Variants in SDK1 observed in about 807,000 individuals in gnomAD.
SDK1 encodes sidekick cell adhesion molecule 1, also known as protein sidekick-1.
Under a neutral mutation model 245.5 loss-of-function variants are expected in SDK1, and 157 were observed. The observed-to-expected ratio is 0.64, with a 90% CI of 0.56 to 0.73. The LOEUF (loss-of-function observed/expected upper bound fraction) is 0.73, where lower values mean the gene tolerates loss of function less well. Among genes scored for constraint, SDK1 ranks in the 30% least tolerant of loss-of-function variants. SDK1 has a pLI of 0.00. For synonymous variants in SDK1, 1,647 were observed against 1,278.5 expected (o/e 1.29, Z -6.15); for missense variants, 3,583 against 3,002.3 (o/e 1.19, Z -4.52).
intron 5 of SDK1, 50 bp from the exon 6 acceptor site, chr7:3,950,873 G>A (rs1286646913): frequency 2.1e-6 from 3 of 1,419,576 alleles, no homozygotes; most frequent in Non-Finnish European, 2.9e-6. Flanking sequence ...ACGGCGGGGG[G>A]TGCTCCTGTA....
At chr7:4,177,901 A>G (rs191108183) in intron 34 of SDK1, among the ~76,000 whole-genome samples, 2 of 152,330 alleles carry the variant, frequency 1.3e-5, no homozygotes, top group African/African-American at 2.4e-5. Flanking sequence ...ATCATCAGGC[A>G]TTAGATTCTC....
intron 41 of SDK1, among the ~76,000 whole-genome samples, chr7:4,236,924 G>A (rs1786203079): frequency 6.6e-6 from 1 of 152,072 alleles, no homozygotes; most frequent in African/African-American, 2.4e-5. Context: ...CTTGTTTTGT[G>A]GAGACAGGGT....
rs183168351 is a variant in SDK1, at chr7:3,924,143, G to A, written c.848-26780G>A. ...GGGAGATTTACAGAGTAAAGGGGACGCTGTTGTAACCATCCAGGTGGGGAT... is the reference window on the plus strand; with the variant it reads ...GGGAGATTTACAGAGTAAAGGGGACACTGTTGTAACCATCCAGGTGGGGAT... On this transcript the variant is annotated intron_variant, in intron 5 of 44. Coordinates refer to ENST00000404826, the MANE Select transcript of SDK1 (RefSeq NM_152744.4). Among the ~76,000 whole-genome samples the A allele has an allele frequency of 2.6e-5, 4 of 151,614 alleles. No individual in the cohort carries two copies. In the East Asian group the frequency reaches 5.8e-4, roughly 22 times the overall value.
At position 3,758,156 on chromosome 7, in the gene SDK1, C is replaced by T. The variant is rs543804789; in HGVS notation, c.714-63294C>T. Reference sequence around the variant, plus strand: ...AGAATTCGTGGGCATATGTTAAAACCGCCACTGTACTTAATAAATATTCTG... The same window carrying T: ...AGAATTCGTGGGCATATGTTAAAACTGCCACTGTACTTAATAAATATTCTG... On this transcript the variant is annotated intron_variant, in intron 4 of 44. Coordinates refer to ENST00000404826, the MANE Select transcript of SDK1 (RefSeq NM_152744.4). Among the ~76,000 whole-genome samples the T allele has an allele frequency of 3.8e-4, 58 of 152,242 alleles. 1 individual carries two copies. Among genetic ancestry groups the T allele is most frequent in the Middle Eastern group, 3.4e-3 (1 of 294 alleles).
chr7:3,894,518 G>T (rs1436884145), intron 5 of SDK1, among the ~76,000 whole-genome samples: 1 of 150,586 alleles, frequency 6.6e-6, no homozygotes, highest in Non-Finnish European at 1.5e-5. Flanking sequence ...CTCACCAGCT[G>T]GGTCCAGCCA....
chr7:3,537,862 C>G (rs924212674), intron 1 of SDK1, among the ~76,000 whole-genome samples: 3 of 152,170 alleles, frequency 2.0e-5, no homozygotes, highest in Non-Finnish European at 2.9e-5. Flanking sequence ...CCTCCGTGCA[C>G]AAATCCAGGT....
chr7:3,353,633 G>T (rs1345272889), intron 1 of SDK1, among the ~76,000 whole-genome samples: 1 of 152,202 alleles, frequency 6.6e-6, no homozygotes, highest in Non-Finnish European at 1.5e-5. Flanking sequence ...AATGGTTAGT[G>T]GAGCTGCCCG....
intron 30 of SDK1, among the ~76,000 whole-genome samples, chr7:4,152,411 G>A (rs1352322967): frequency 6.6e-6 from 1 of 152,192 alleles, no homozygotes; most frequent in African/African-American, 2.4e-5. Context: ...TACACAGGAT[G>A]CTTAGCTTAA....
At chr7:3,612,829 C>A (rs1226322398) in intron 1 of SDK1, among the ~76,000 whole-genome samples, 1 of 152,136 alleles carries the variant, frequency 6.6e-6, no homozygotes, top group Non-Finnish European at 1.5e-5. Context: ...ACCTGATTGA[C>A]GGTGCTGATT....
chr7:3,335,420 C>CTTTTTTTTTTT (rs5881977), intron 1 of SDK1, among the ~76,000 whole-genome samples: 1 of 145,518 alleles, frequency 6.9e-6, no homozygotes. Flanking sequence ...TGGTACTTAT[C>CTTTTTTTTTTT]TTTTTTTTTT....
rs576444443 is a variant in SDK1, at chr7:4,131,565, C to T, written c.4130-760C>T. Among the ~76,000 whole-genome samples the T allele has an allele frequency of 5.2e-4, 79 of 152,246 alleles. 1 individual carries two copies. The highest frequency in any genetic ancestry group is 1.8e-3 in the African/African-American group (75 of 41,550). ...TATTTTGATATTGATTGTTTCATGC[C>T]CATTGCCTCTTACCTGGGAATCGGT... is the stretch of plus-strand genomic sequence containing the variant. On this transcript the variant is annotated intron_variant, in intron 27 of 44. Coordinates refer to ENST00000404826, the MANE Select transcript of SDK1 (RefSeq NM_152744.4).
At chr7:3,316,472 A>G (rs1350239608) in intron 1 of SDK1, among the ~76,000 whole-genome samples, 1 of 152,234 alleles carries the variant, frequency 6.6e-6, no homozygotes, top group African/African-American at 2.4e-5. Flanking sequence ...GCACAATGAC[A>G]GAATTGCCTA....
intron 1 of SDK1, among the ~76,000 whole-genome samples, chr7:3,367,889 A>C (rs540101978): frequency 2.6e-5 from 4 of 152,218 alleles, no homozygotes; most frequent in African/African-American, 9.6e-5. Flanking sequence ...ATATAGGAAA[A>C]TGTTTTCTTT....
intron 4 of SDK1, among the ~76,000 whole-genome samples, chr7:3,704,460 T>C (rs1049256591): frequency 6.6e-6 from 1 of 151,938 alleles, no homozygotes; most frequent in Non-Finnish European, 1.5e-5. Flanking sequence ...TGATTAGTGA[T>C]GTTAAGTATG....
chr7:4,232,402 C>CT (rs1234788967), intron 40 of SDK1, among the ~76,000 whole-genome samples: 20 of 65,050 alleles, frequency 3.1e-4, no homozygotes, highest in African/African-American at 8.0e-4. Context: ...CTTTTCTTTT[C>CT]TTTTCTTTCT....
chr7:3,508,945 G>T (rs1409788259), intron 1 of SDK1, among the ~76,000 whole-genome samples: 2 of 152,186 alleles, frequency 1.3e-5, no homozygotes, highest in Admixed American at 6.5e-5. Flanking sequence ...GCTCTTAAAG[G>T]ATAAACATAT....
At chr7:3,474,762 C>T (rs568293869) in intron 1 of SDK1, among the ~76,000 whole-genome samples, 2 of 152,294 alleles carry the variant, frequency 1.3e-5, no homozygotes, top group Non-Finnish European at 2.9e-5. Context: ...ATGATCATAG[C>T]TCACTGCAGG....
chr7:3,582,207 A>T (rs1186773268), intron 1 of SDK1, among the ~76,000 whole-genome samples: 17 of 151,628 alleles, frequency 1.1e-4, no homozygotes, highest in African/African-American at 4.1e-4. Flanking sequence ...TGTCTCAGGT[A>T]GGTCTCCCTC....
At chr7:3,463,758 C>T (rs1017562661) in intron 1 of SDK1, among the ~76,000 whole-genome samples, 1 of 152,210 alleles carries the variant, frequency 6.6e-6, no homozygotes, top group African/African-American at 2.4e-5. Context: ...ATGCTGGTCT[C>T]TCCATACATT....
Sources: allele counts gnomAD v4.1 joint callset (sites outside exome capture counted in the v4.1 genomes callset), GRCh38; gene constraint gnomAD v4.1.1; transcripts MANE v1.5; gene names NCBI Gene and HGNC (gene_info 2026-07-23, HGNC 2026-07-21).